The following MKLN1 variants were observed in gnomAD, a reference collection of about 807,000 sequenced individuals.
MKLN1 encodes muskelin 1.
In MKLN1, 18 loss-of-function variants were observed where a neutral mutation model predicts 99.0. That is an observed-to-expected ratio of 0.18 (90% CI 0.13 to 0.27). MKLN1 has a LOEUF of 0.27. Among genes scored for constraint, MKLN1 ranks in the 10% least tolerant of loss-of-function variants. The pLI, the probability that MKLN1 is intolerant of heterozygous loss-of-function variation, is 1.00. For synonymous variants in MKLN1, 288 were observed against 293.2 expected (o/e 0.98, Z 0.18); for missense variants, 621 against 875.9 (o/e 0.71, Z 3.67).
intron 3 of MKLN1, among the ~76,000 whole-genome samples, chr7:131,258,290 G>A (rs928611996): frequency 4.0e-5 from 6 of 151,428 alleles, no homozygotes; most frequent in Non-Finnish European, 8.8e-5. Context: ...GGAAAGAGTG[G>A]GTAGAGAAAA....
chr7:131,338,398 C>G (rs183605567), intron 1 of MKLN1, among the ~76,000 whole-genome samples: 2 of 152,294 alleles, frequency 1.3e-5, no homozygotes, highest in African/African-American at 2.4e-5. Flanking sequence ...GCTTCTTAGC[C>G]CCTTGGCCTG....
At chr7:131,297,286 G>A (rs767751383) in intron 3 of MKLN1, among the ~76,000 whole-genome samples, 19 of 152,064 alleles carry the variant, frequency 1.2e-4, no homozygotes, top group Non-Finnish European at 1.8e-4. Flanking sequence ...GCTTGAACCC[G>A]GGAGGTGGAA....
At chr7:131,156,323 C>A (rs985702098) in intron 2 of MKLN1, among the ~76,000 whole-genome samples, 1 of 151,470 alleles carries the variant, frequency 6.6e-6, no homozygotes, top group Non-Finnish European at 1.5e-5. Context: ...GTCAGGAGAT[C>A]GAGACCATCC....
chr7:131,411,909 A>C (rs1794891426), intron 7 of MKLN1, among the ~76,000 whole-genome samples: 1 of 64,782 alleles, frequency 1.5e-5, no homozygotes, highest in Non-Finnish European at 2.9e-5. Flanking sequence ...TCCATCTCAA[A>C]AAAAAAAAAA....
At chr7:131,173,057 T>A (rs565199813) in intron 2 of MKLN1, among the ~76,000 whole-genome samples, 1 of 152,122 alleles carries the variant, frequency 6.6e-6, no homozygotes, top group East Asian at 1.9e-4. Flanking sequence ...CTTGAATGAA[T>A]TGACAAAAAT....
intron 8 of MKLN1, among the ~76,000 whole-genome samples, chr7:131,428,473 T>G (rs577398446): frequency 6.6e-6 from 1 of 152,364 alleles, no homozygotes; most frequent in Non-Finnish European, 1.5e-5. Context: ...AAGCTAGTTT[T>G]AACCATTGTT....
At chr7:131,160,492 A>ATTATTATT (rs1343341791) in intron 2 of MKLN1, among the ~76,000 whole-genome samples, 27 of 138,972 alleles carry the variant, frequency 1.9e-4, no homozygotes, top group Admixed American at 4.4e-4. Context: ...TATTATTATT[A>ATTATTATT]ATTATTATTA....
At chr7:131,457,664 C>G (rs901264891) in intron 12 of MKLN1, among the ~76,000 whole-genome samples, 1 of 152,098 alleles carries the variant, frequency 6.6e-6, no homozygotes, top group East Asian at 1.9e-4. Context: ...ACCTGTAATC[C>G]CAGCACTTTG....
intron 8 of MKLN1, among the ~76,000 whole-genome samples, chr7:131,416,053 C>T (rs1249499694): frequency 5.3e-5 from 8 of 152,166 alleles, no homozygotes; most frequent in South Asian, 2.1e-4. Context: ...GCTGCAACCT[C>T]GCAAAGTGCT....
chr7:131,362,965 A>G (rs1220805777), intron 1 of MKLN1, among the ~76,000 whole-genome samples: 1 of 152,082 alleles, frequency 6.6e-6, no homozygotes, highest in African/African-American at 2.4e-5. Flanking sequence ...GATAATAAAA[A>G]TATAAACTAT....
At chr7:131,359,854 C>G (rs1400706591) in intron 1 of MKLN1, among the ~76,000 whole-genome samples, 1 of 152,122 alleles carries the variant, frequency 6.6e-6, no homozygotes, top group African/African-American at 2.4e-5. Context: ...CTGCCTCAGC[C>G]TCCTGAGTAG....
chr7:131,122,865 C>CA (rs914941493), intron 1 of MKLN1, among the ~76,000 whole-genome samples: 8 of 150,988 alleles, frequency 5.3e-5, no homozygotes, highest in African/African-American at 1.2e-4. Flanking sequence ...ACTAAAAATA[C>CA]AAAAAAAATT....
chr7:131,310,919 T>A (rs1798553329), intron 3 of MKLN1: 1 of 152,154 alleles, frequency 6.6e-6, no homozygotes, highest in South Asian at 2.1e-4. Flanking sequence ...AAGGTATTTT[T>A]ACCCAATTGT....
At chr7:131,470,000 C>T (rs781393652) in intron 15 of MKLN1, among the ~76,000 whole-genome samples, 5 of 151,692 alleles carry the variant, frequency 3.3e-5, no homozygotes, top group African/African-American at 1.2e-4. Flanking sequence ...CTTAGACTCT[C>T]GAGTAGCTGG....
Position 131,489,014 on chromosome 7 carries a change from A to G in MKLN1, c.*1286A>G, listed in dbSNP as rs959159300. On this transcript the variant is annotated 3_prime_UTR_variant, in exon 18 of 18. Coordinates refer to ENST00000352689, the MANE Select transcript of MKLN1 (RefSeq NM_013255.5). ...TTTGCTCAAAAAGCATGTTGTATGA[A>G]GCTGACTGCCACCATGCTAAAGCAG... The G allele has an allele frequency of 2.0e-5, 3 of 152,160 alleles. No individual in the cohort carries two copies. The highest frequency in any genetic ancestry group is 2.1e-4 in the South Asian group (1 of 4,830). 9.4% of individuals were successfully genotyped at this position (152,160 alleles called of 1,614,324 possible).
intron 2 of MKLN1, among the ~76,000 whole-genome samples, chr7:131,186,314 G>A (rs1248494051): frequency 6.6e-6 from 1 of 152,038 alleles, no homozygotes; most frequent in Non-Finnish European, 1.5e-5. Flanking sequence ...GACCAGCCTG[G>A]GCAACATAGC....
chr7:131,337,898 A>G (rs1322924155), intron 1 of MKLN1, among the ~76,000 whole-genome samples: 1 of 152,162 alleles, frequency 6.6e-6, no homozygotes, highest in Non-Finnish European at 1.5e-5. Context: ...TGTATCTATA[A>G]TGATACATTT....
intron 3 of MKLN1, among the ~76,000 whole-genome samples, chr7:131,265,372 CTTCT>C (rs1180123368): frequency 6.6e-6 from 1 of 152,110 alleles, no homozygotes; most frequent in Admixed American, 6.6e-5. Flanking sequence ...GCACAGCCCC[CTTCT>C]TTCTTTCTTC....
At chr7:131,392,423 A>G (rs1240062783) in intron 4 of MKLN1, among the ~76,000 whole-genome samples, 1 of 152,180 alleles carries the variant, frequency 6.6e-6, no homozygotes, top group Non-Finnish European at 1.5e-5. Context: ...TTTTAGAAGT[A>G]TACTATTAAG....
Sources: gnomAD v4.1 joint callset for allele counts (sites outside exome capture counted in the v4.1 genomes callset) on GRCh38, gnomAD v4.1.1 for gene constraint, MANE v1.5 for transcripts, NCBI Gene and HGNC (gene_info 2026-07-23, HGNC 2026-07-21) for gene names.